The following STPG2 variants were observed in gnomAD, a reference collection of about 807,000 sequenced individuals.
STPG2 encodes the protein sperm-tail PG-rich repeat-containing protein 2.
STPG2 carries 56 observed loss-of-function variants against 54.2 expected under a neutral mutation model. The ratio of observed to expected loss-of-function variants is 1.03; its 90% CI spans 0.83 to 1.29. The LOEUF is 1.29. STPG2 is among the 50% of genes most tolerant of loss of function. The pLI is 0.00. For synonymous variants in STPG2, 200 were observed against 181.8 expected (o/e 1.10, Z -0.81); for missense variants, 596 against 544.9 (o/e 1.09, Z -0.93).
intron 9 of STPG2, among the ~76,000 whole-genome samples, chr4:97,737,697 A>C (rs1248826053): frequency 6.6e-6 from 1 of 152,218 alleles, no homozygotes; most frequent in Non-Finnish European, 1.5e-5. Context: ...GCATTCAAGA[A>C]ATATGGGACT....
downstream of STPG2, among the ~76,000 whole-genome samples, chr4:97,556,026 T>C (rs1226212292): frequency 6.6e-6 from 1 of 152,140 alleles, no homozygotes; most frequent in Admixed American, 6.6e-5. Flanking sequence ...AAAAGAATCT[T>C]ATCCTGCTTA....
chr4:97,926,089 G>A (rs1306562719), intron 8 of STPG2, among the ~76,000 whole-genome samples: 2 of 151,998 alleles, frequency 1.3e-5, no homozygotes, highest in African/African-American at 4.8e-5. Flanking sequence ...CTGATCATAG[G>A]CCCTCTCTAC....
intron 10 of STPG2, among the ~76,000 whole-genome samples, chr4:97,625,534 TG>T (rs780860425): frequency 4.1e-4 from 62 of 152,242 alleles, no homozygotes; most frequent in Middle Eastern, 3.4e-3. Context: ...AGGCTGGTCT[TG>T]AACTCCTGAC....
At position 97,748,010 on chromosome 4, in the gene STPG2, G is replaced by T. The variant is rs1267110273; in HGVS notation, c.1205-35196C>A. 4.6e-5 allele frequency among the ~76,000 whole-genome samples: 7 copies of T among 151,470 alleles called. No individual in the cohort carries two copies. In the East Asian group the frequency reaches 1.4e-3, roughly 29 times the overall value. ...AGCAAGTCTTATCCTTCATAAAAGA[G>T]TTACACGAATTAAGTCCTCCCCATT... On this transcript the variant is annotated intron_variant, in intron 9 of 10. Coordinates refer to ENST00000295268, the MANE Select transcript of STPG2 (RefSeq NM_174952.3).
chr4:97,649,444 A>G (rs1216834833), intron 10 of STPG2, among the ~76,000 whole-genome samples: 1 of 152,144 alleles, frequency 6.6e-6, no homozygotes, highest in Non-Finnish European at 1.5e-5. Context: ...GCAAAAAAAT[A>G]GTCTTGAAGA....
At chr4:97,796,146 A>G (rs1727167997) in intron 9 of STPG2, among the ~76,000 whole-genome samples, 1 of 152,148 alleles carries the variant, frequency 6.6e-6, no homozygotes, top group African/African-American at 2.4e-5. Flanking sequence ...CCCATTCTGT[A>G]GGTTGCCTGT....
chr4:97,935,476 G>A (rs1732716596), intron 8 of STPG2, among the ~76,000 whole-genome samples: 1 of 152,068 alleles, frequency 6.6e-6, no homozygotes, highest in South Asian at 2.1e-4. Context: ...TAATGTTAGG[G>A]TGTTGATTTG....
chr4:97,884,566 C>T (rs770721226), intron 8 of STPG2, among the ~76,000 whole-genome samples: 1 of 152,098 alleles, frequency 6.6e-6, no homozygotes, highest in Non-Finnish European at 1.5e-5. Flanking sequence ...TTCTAGCCTC[C>T]AGAATTGTGA....
At position 98,026,111 on chromosome 4, in the gene STPG2, G is replaced by C; in HGVS notation, c.613-44793C>G. 11 of 1,456,286 alleles carry C rather than the reference G, an allele frequency of 7.6e-6. 1 individual carries two copies. In the South Asian group the frequency reaches 1.2e-4, roughly 16 times the overall value. 90.2% of individuals were successfully genotyped at this position (1,456,286 alleles called of 1,614,324 possible). A position where few individuals can be genotyped will look rare whatever the true frequency, so the allele number is the denominator to read the frequency against. On this transcript the variant is annotated intron_variant, in intron 5 of 10. Coordinates refer to ENST00000295268, the MANE Select transcript of STPG2 (RefSeq NM_174952.3). ...GGAGATGTATAGGAAAGCTCATGCT[G>C]CTATACGAGAGAATCCAGTCTATGA...
intron 8 of STPG2, among the ~76,000 whole-genome samples, chr4:97,854,010 A>C (rs367810013): frequency 2.0e-5 from 3 of 151,836 alleles, no homozygotes; most frequent in East Asian, 1.9e-4. Flanking sequence ...TTGTTTTTTA[A>C]AGATAACGTC....
intron 10 of STPG2, among the ~76,000 whole-genome samples, chr4:97,704,786 C>T (rs1036560029): frequency 1.3e-5 from 2 of 152,076 alleles, no homozygotes; most frequent in Non-Finnish European, 2.9e-5. Flanking sequence ...AAGTTTAAGT[C>T]ACATTCTAAA....
chr4:97,984,742 CT>C (rs1394859567), intron 5 of STPG2, among the ~76,000 whole-genome samples: 3 of 152,110 alleles, frequency 2.0e-5, no homozygotes, highest in African/African-American at 7.2e-5. Context: ...GTTACGCCCC[CT>C]GTTGGGGATG....
At chr4:97,798,213 G>T (rs1465484846) in intron 9 of STPG2, among the ~76,000 whole-genome samples, 1 of 151,886 alleles carries the variant, frequency 6.6e-6, no homozygotes, top group Admixed American at 6.6e-5. Flanking sequence ...GTTATTTCTT[G>T]CCTTCTGCTA....
At chr4:97,691,308 G>A (rs992028946) in intron 10 of STPG2, among the ~76,000 whole-genome samples, 15 of 152,094 alleles carry the variant, frequency 9.9e-5, no homozygotes, top group African/African-American at 2.2e-4. Flanking sequence ...CAGCTGCCTC[G>A]AAATAAACTG....
chr4:98,015,332 A>C (rs1735907791), intron 5 of STPG2, among the ~76,000 whole-genome samples: 1 of 152,206 alleles, frequency 6.6e-6, no homozygotes, highest in South Asian at 2.1e-4. Context: ...AATATCCAGA[A>C]TCTACAAAGA....
At chr4:98,094,718 C>T (rs1738794273) in intron 5 of STPG2, among the ~76,000 whole-genome samples, 1 of 152,130 alleles carries the variant, frequency 6.6e-6, no homozygotes, top group South Asian at 2.1e-4. Context: ...CCCTCCACCT[C>T]AAACCCCCAT....
At chr4:97,503,338 T>G (rs1022012927) in intron 4 of STPG2, among the ~76,000 whole-genome samples, 2 of 152,066 alleles carry the variant, frequency 1.3e-5, no homozygotes, top group African/African-American at 4.8e-5. Context: ...TTAAATTTGT[T>G]TCTGGTGAGA....
intron 9 of STPG2, among the ~76,000 whole-genome samples, chr4:97,746,469 C>A (rs1006411137): frequency 6.6e-6 from 1 of 151,138 alleles, no homozygotes; most frequent in South Asian, 2.1e-4. Context: ...TTGACAGAAA[C>A]AGAAGGGACA....
intron 8 of STPG2, among the ~76,000 whole-genome samples, chr4:97,928,355 T>C (rs1170546574): frequency 2.0e-5 from 3 of 152,176 alleles, no homozygotes; most frequent in Admixed American, 2.0e-4. Flanking sequence ...CATTAATATG[T>C]TTTGTTTCTT....
Sources: allele counts gnomAD v4.1 joint callset (sites outside exome capture counted in the v4.1 genomes callset), GRCh38; gene constraint gnomAD v4.1.1; transcripts MANE v1.5; gene names NCBI Gene and HGNC (gene_info 2026-07-23, HGNC 2026-07-21).